The following DOK7 variants were observed in gnomAD, a reference collection of about 807,000 sequenced individuals.
DOK7 encodes docking protein 7.
DOK7 carries 32 observed loss-of-function variants against 30.7 expected under a neutral mutation model. That is an observed-to-expected ratio of 1.04 (90% confidence interval 0.79 to 1.40). The LOEUF (loss-of-function observed/expected upper bound fraction) is 1.40. Among genes scored for constraint, DOK7 ranks in the 40% most tolerant of loss-of-function variants. DOK7 has a pLI of 0.00. For missense variants in DOK7, 1,007 were observed against 699.2 expected, an observed-to-expected ratio of 1.44 and a Z score of -4.97; for synonymous variants, 447 against 324.1, an observed-to-expected ratio of 1.38 and a Z score of -4.07.
intron 7 of DOK7, chr4:3,500,463 G>T: frequency 6.6e-7 from 1 of 1,522,310 alleles, no homozygotes; most frequent in Non-Finnish European, 8.8e-7. Flanking sequence ...CAGCCTCAGG[G>T]CCCTGAGCCC....
downstream of DOK7, among the ~76,000 whole-genome samples, chr4:3,494,974 C>T (rs1377883309): frequency 6.6e-6 from 1 of 152,244 alleles, no homozygotes; most frequent in African/African-American, 2.4e-5. Flanking sequence ...GCCTGCCACC[C>T]TGTCAGGGAC....
chr4:3,495,049 G>C (rs1332042151), downstream of DOK7, among the ~76,000 whole-genome samples: 2 of 152,188 alleles, frequency 1.3e-5, no homozygotes, highest in Non-Finnish European at 2.9e-5. Flanking sequence ...CGTGGGCTTT[G>C]GGGACTGAGT....
At position 3,492,876 on chromosome 4, in the gene DOK7, A is replaced by G. The variant is rs1728590581; in HGVS notation, c.890A>G (p.Glu297Gly). The change falls in exon 7 of 7, where the codon GAG (glutamate) becomes GGG (glycine). Residue 297 changes from glutamate (E) to glycine (G), a missense_variant. Glu to Gly is a moderately conservative substitution (Grantham distance 98, BLOSUM62 -2). Transcript: ENST00000340083. ...TCGTCGTCAGCCAGCACGTCACAGG[A>G]GGGGCCTAGACCAGCAGCTGCCCAG... ...QSSSSASTSQ[E>G]GPRPAAAQAA... The G allele has an allele frequency of 6.2e-7, 1 of 1,603,478 alleles. No individual in the cohort carries two copies. Among genetic ancestry groups the G allele is most frequent in the African/African-American group, 1.3e-5 (1 of 74,734 alleles).
chr4:3,468,654 ATGAGTG>A (rs1216704341), intron 2 of DOK7, among the ~76,000 whole-genome samples: 2 of 135,416 alleles, frequency 1.5e-5, no homozygotes, highest in African/African-American at 5.4e-5. Flanking sequence ...GTGTGCATGT[ATGAGTG>A]TGTGTGCCTG....
Position 3,463,353 on chromosome 4 carries a change from G to T in DOK7, c.-23G>T. The T allele has an allele frequency of 6.9e-7, 1 of 1,456,124 alleles. No individual in the cohort carries two copies. The allele number at this position is 1,456,124 out of a possible 1,614,324, so 90.2% of individuals were successfully genotyped here. A position where few individuals can be genotyped will look rare whatever the true frequency, so the allele number is the denominator to read the frequency against. Reference sequence around the variant, plus strand: ...GGGCTGGGGCGCCGGGGCGAGCGCGGCGGCGCGGAACCATGACAGAAGATG... The same window carrying T: ...GGGCTGGGGCGCCGGGGCGAGCGCGTCGGCGCGGAACCATGACAGAAGATG... On this transcript the variant is annotated 5_prime_UTR_variant, in exon 1 of 7. Coordinates refer to ENST00000340083, the MANE Select transcript of DOK7 (RefSeq NM_173660.5).
In DOK7 at chr4:3,493,596, G is replaced by T; in HGVS notation, c.*95G>T. On this transcript the variant is annotated 3_prime_UTR_variant, in exon 7 of 7. Transcript: ENST00000340083. The stretch of plus-strand genomic sequence containing the variant: ...CAGCCTCCTTGCAGACTGGTGCTCT[G>T]TGTTCTGTGGGAGGGACCGGGGGTC... The T allele has an allele frequency of 6.5e-7, 1 of 1,539,652 alleles. No individual in the cohort carries two copies. The highest frequency in any genetic ancestry group is 1.2e-5 in the South Asian group (1 of 83,188).
Position 3,485,547 on chromosome 4 carries a change from G to C in DOK7, c.541G>C (p.Val181Leu). ...CTGTCCTTCCTCTGCAGGGGCTGGC[G>C]TCTTCTTCCTGTCCTCGGCCGAGGG... ...GGTRCGYWAG[V>L]FFLSSAEGEQ... Residue 181 changes from valine to leucine, a missense_variant, in exon 5 of 7, where the codon GTC becomes CTC. Transcript: ENST00000340083. The C allele has an allele frequency of 6.2e-7, 1 of 1,602,304 alleles. No individual in the cohort carries two copies. The highest frequency in any genetic ancestry group is 1.1e-5 in the South Asian group (1 of 89,522).
chr4:3,476,677 G>C, intron 4 of DOK7, 135 bp downstream of exon 4: 2 of 1,155,204 alleles, frequency 1.7e-6, no homozygotes, highest in Non-Finnish European at 2.5e-6. Context: ...GCAGGTGGAC[G>C]GAGTCTCCCC....
At chr4:3,485,951 G>A (rs895287661) in intron 5 of DOK7, among the ~76,000 whole-genome samples, 15 of 152,124 alleles carry the variant, frequency 9.9e-5, no homozygotes, top group Admixed American at 9.8e-4. Flanking sequence ...GTCAGCCACA[G>A]CTGCCACTGT....
downstream of DOK7, among the ~76,000 whole-genome samples, chr4:3,496,262 G>A (rs767113811): frequency 2.0e-5 from 3 of 152,222 alleles, no homozygotes; most frequent in East Asian, 1.9e-4. Flanking sequence ...GGAGAAGGTC[G>A]CCTGCAGTGT....
chr4:3,489,635 G>C (rs374400469), intron 5 of DOK7, 42 bp from the exon 6 acceptor site: 148 of 1,557,366 alleles, frequency 9.5e-5, no homozygotes, highest in Non-Finnish European at 1.2e-4. Flanking sequence ...GAGGGTGGGC[G>C]GTGGTGGCCA....
downstream of DOK7, among the ~76,000 whole-genome samples, chr4:3,496,221 C>G (rs1728903064): frequency 6.6e-6 from 1 of 152,260 alleles, no homozygotes; most frequent in South Asian, 2.1e-4. Flanking sequence ...CTTGGGGCAC[C>G]CCGTTAGGCA....
intron 5 of DOK7, among the ~76,000 whole-genome samples, chr4:3,488,387 C>T (rs1225242228): frequency 6.6e-6 from 1 of 152,236 alleles, no homozygotes; most frequent in Non-Finnish European, 1.5e-5. Flanking sequence ...GGGCTGAAGG[C>T]ATCAGCAGAG....
chr4:3,490,112 A>ATTCATTCCTTCCTTCACCCC (rs1728138084), intron 6 of DOK7, among the ~76,000 whole-genome samples: 1 of 42,888 alleles, frequency 2.3e-5, no homozygotes, highest in Non-Finnish European at 4.2e-5. Flanking sequence ...CTTCACCCCC[A>ATTCATTCCTTCCTTCACCCC]TTCATTCCTT....
At chr4:3,496,950 A>T, downstream of DOK7, 1 of 79,238 alleles carries the variant, frequency 1.3e-5, no homozygotes, top group Non-Finnish European at 2.2e-5. Context: ...GTTTGACTAG[A>T]TGGGGAGGGG....
Position 3,485,643 on chromosome 4 carries a change from C to CGGCCGGTTCT in DOK7, c.638_647dup (p.Pro217AlafsTer47). On this transcript the variant is annotated frameshift_variant, in exon 5 of 7. Coordinates refer to ENST00000340083, the MANE Select transcript of DOK7 (RefSeq NM_173660.5). LOFTEE classifies it high-confidence loss of function. ...CCCCACCAAGGGCCCCTTTGGGCTG[C>CGGCCGGTTCT]GGCCGGTTCTACCAGGTGCGTGTGG... 6.3e-7 allele frequency: 1 copy of CGGCCGGTTCT among 1,599,232 alleles called. No homozygotes were observed. Among genetic ancestry groups the CGGCCGGTTCT allele is most frequent in the South Asian group, 1.1e-5 (1 of 88,930 alleles).
intron 6 of DOK7, among the ~76,000 whole-genome samples, chr4:3,499,743 AGAG>A (rs1351414357): frequency 6.6e-6 from 1 of 150,458 alleles, no homozygotes; most frequent in Non-Finnish European, 1.5e-5. Context: ...TGTGTGCAGG[AGAG>A]GAGGGGGTCC....
intron 3 of DOK7, 35 bp from the exon 4 acceptor site, chr4:3,476,303 TGCCC>T (rs1560212493): frequency 9.7e-6 from 7 of 720,056 alleles, no homozygotes; most frequent in Non-Finnish European, 1.2e-5. Context: ...CCTCTCACCC[TGCCC>T]GCCCGTGATG....
chr4:3,472,225 T>C (rs1375416912), intron 2 of DOK7, among the ~76,000 whole-genome samples: 7 of 152,208 alleles, frequency 4.6e-5, no homozygotes, highest in Non-Finnish European at 8.8e-5. Flanking sequence ...CTGGACTCCA[T>C]TGCAAAAATG....
Sources: allele counts gnomAD v4.1 joint callset (sites outside exome capture counted in the v4.1 genomes callset), GRCh38; gene constraint gnomAD v4.1.1; transcripts MANE v1.5; gene names NCBI Gene and HGNC (gene_info 2026-07-23, HGNC 2026-07-21).